PRRG1: variants seen among roughly 807,000 people sequenced by gnomAD.
PRRG1 encodes the protein transmembrane gamma-carboxyglutamic acid protein 1.
PRRG1 carries 5 observed loss-of-function variants against 11.8 expected under a neutral mutation model. That is an observed-to-expected ratio of 0.42 (90% confidence interval 0.22 to 0.89). The LOEUF (loss-of-function observed/expected upper bound fraction) is 0.89, where lower values mean the gene tolerates loss of function less well. Among genes scored for constraint, PRRG1 ranks in the 40% least tolerant of loss-of-function variants. The pLI, the probability that PRRG1 is intolerant of heterozygous loss-of-function variation, is 0.28. For missense variants in PRRG1, 155 were observed against 166.1 expected (o/e 0.93, Z 0.37); for synonymous variants, 66 against 60.4 (o/e 1.09, Z -0.43).
At chrX:37,444,721 C>A (rs1441939691) in intron 3 of PRRG1, among the ~76,000 whole-genome samples, 1 of 111,423 alleles carries the variant, frequency 9.0e-6, no homozygotes, top group Non-Finnish European at 1.9e-5. Flanking sequence ...TGTCACCCTG[C>A]ATACAGAGAT....
intron 3 of PRRG1, among the ~76,000 whole-genome samples, chrX:37,438,347 A>T (rs1932914755): frequency 9.1e-6 from 1 of 109,578 alleles, no homozygotes; most frequent in South Asian, 3.9e-4. Flanking sequence ...CTAATCATTT[A>T]TTCATATTTT....
At chrX:37,356,652 T>A (rs1350723477) in intron 1 of PRRG1, among the ~76,000 whole-genome samples, 11 of 110,938 alleles carry the variant, frequency 9.9e-5, no homozygotes, top group African/African-American at 3.6e-4. Flanking sequence ...ATTCATGGGA[T>A]AGGTATGGGT....
intron 1 of PRRG1, among the ~76,000 whole-genome samples, chrX:37,398,949 C>T (rs1311822752): frequency 9.7e-4 from 103 of 106,390 alleles, no homozygotes; most frequent in African/African-American, 3.3e-3. Flanking sequence ...TAAAAAGAAA[C>T]GAACAAAGCC....
chrX:37,351,065 A>G (rs1363275643), intron 1 of PRRG1, among the ~76,000 whole-genome samples: 1 of 111,442 alleles, frequency 9.0e-6, no homozygotes, highest in Non-Finnish European at 1.9e-5. Flanking sequence ...TTAAATTTAT[A>G]TAACTTGCCT....
chrX:37,414,474 A>T (rs1406042456), intron 2 of PRRG1, among the ~76,000 whole-genome samples: 1 of 111,894 alleles, frequency 8.9e-6, no homozygotes, highest in Admixed American at 9.5e-5. Flanking sequence ...GGTCAGCAAA[A>T]TGAAGGGGTT....
At chrX:37,419,825 A>G (rs782199152) in intron 2 of PRRG1, among the ~76,000 whole-genome samples, 97 of 111,813 alleles carry the variant, frequency 8.7e-4, no homozygotes, top group Non-Finnish European at 1.2e-3. Flanking sequence ...AGGACAAGCT[A>G]CTACAGTGTG....
chrX:37,428,922 C>T (rs182710738), intron 3 of PRRG1, among the ~76,000 whole-genome samples: 3 of 112,751 alleles, frequency 2.7e-5, no homozygotes, highest in African/African-American at 9.7e-5. Context: ...GACTTCTGTG[C>T]ACCTGCAGGC....
chrX:37,383,867 C>A (rs782348969), intron 1 of PRRG1, among the ~76,000 whole-genome samples: 1 of 110,825 alleles, frequency 9.0e-6, no homozygotes, highest in Non-Finnish European at 1.9e-5. Context: ...TCTACTTTTT[C>A]ACTTATACAT....
At chrX:37,369,089 G>A (rs1930675000) in intron 1 of PRRG1, among the ~76,000 whole-genome samples, 1 of 111,974 alleles carries the variant, frequency 8.9e-6, no homozygotes, top group Non-Finnish European at 1.9e-5. Context: ...GGATAAAATA[G>A]TATTTTGCAT....
chrX:37,425,450 A>G (rs1304844932), intron 2 of PRRG1, among the ~76,000 whole-genome samples: 1 of 112,048 alleles, frequency 8.9e-6, no homozygotes, highest in African/African-American at 3.2e-5. Context: ...GTAGAGGGAC[A>G]AAGACTGATA....
At chrX:37,406,096 A>T in intron 1 of PRRG1, 113 bp from the exon 2 acceptor site, 1 of 574,484 alleles carries the variant, frequency 1.7e-6, no homozygotes, top group Non-Finnish European at 2.7e-6. Flanking sequence ...AAAGATTGGA[A>T]TGTACTGAAA....
intron 1 of PRRG1, among the ~76,000 whole-genome samples, chrX:37,360,930 G>C (rs958802784): frequency 1.2e-4 from 13 of 112,731 alleles, no homozygotes; most frequent in African/African-American, 4.2e-4. Flanking sequence ...TGGTATGTAA[G>C]GGGTGTGTGT....
chrX:37,451,668 T>A (rs1921144916), intron 3 of PRRG1, among the ~76,000 whole-genome samples: 1 of 112,252 alleles, frequency 8.9e-6, no homozygotes, highest in African/African-American at 3.2e-5. Context: ...TAGTAAATCA[T>A]ACAATGTTTC....
chrX:37,362,592 C>T (rs1045339329), intron 1 of PRRG1, among the ~76,000 whole-genome samples: 3 of 111,912 alleles, frequency 2.7e-5, no homozygotes, highest in Middle Eastern at 4.6e-3. Context: ...TTTCTGTTTG[C>T]ATTCCTCATT....
chrX:37,385,894 G>C (rs1556375112), intron 1 of PRRG1, among the ~76,000 whole-genome samples: 1 of 111,090 alleles, frequency 9.0e-6, no homozygotes, highest in Non-Finnish European at 1.9e-5. Flanking sequence ...CCGAGAAGCT[G>C]GGATTACAGA....
chrX:37,351,654 C>T (rs958359420), intron 1 of PRRG1, among the ~76,000 whole-genome samples: 3 of 112,051 alleles, frequency 2.7e-5, no homozygotes, highest in Admixed American at 9.4e-5. Flanking sequence ...AATATGTTCT[C>T]ATGTATTAGT....
intron 1 of PRRG1, among the ~76,000 whole-genome samples, chrX:37,399,484 C>G (rs1304821855): frequency 2.7e-5 from 3 of 110,619 alleles, no homozygotes; most frequent in Non-Finnish European, 5.7e-5. Flanking sequence ...GAAGGAAGCA[C>G]TCAACATGGA....
intron 1 of PRRG1, 178 bp downstream of exon 1, chrX:37,349,573 G>A (rs1929986845): frequency 8.9e-6 from 1 of 112,577 alleles, no homozygotes; most frequent in African/African-American, 3.2e-5. Context: ...CGCGTGGGGA[G>A]CGGAGTGCGT....
intron 3 of PRRG1, among the ~76,000 whole-genome samples, chrX:37,438,676 A>G (rs1415675097): frequency 9.0e-6 from 1 of 110,961 alleles, no homozygotes; most frequent in Non-Finnish European, 1.9e-5. Flanking sequence ...ACCTCAGGTG[A>G]CCCACCCACT....
Sources: gnomAD v4.1 joint callset for allele counts (sites outside exome capture counted in the v4.1 genomes callset) on GRCh38, gnomAD v4.1.1 for gene constraint, MANE v1.5 for transcripts, NCBI Gene and HGNC (gene_info 2026-07-23, HGNC 2026-07-21) for gene names.